The following SPTBN2 variants were observed in gnomAD, a reference collection of about 807,000 sequenced individuals.
SPTBN2 encodes the protein spectrin beta, non-erythrocytic 2.
A neutral mutation model predicts 284.2 loss-of-function variants in SPTBN2; 107 were observed. The ratio of observed to expected loss-of-function variants is 0.38; its 90% confidence interval spans 0.32 to 0.44. The LOEUF is 0.44. SPTBN2 is among the 20% of genes least tolerant of loss of function. The probability of loss-of-function intolerance (pLI) is 1.00; values close to 1 mark genes in which losing one functional copy is unlikely to be tolerated. For missense variants in SPTBN2, 2,569 were observed against 3,287.1 expected, an observed-to-expected ratio of 0.78 and a Z score of 5.34; for synonymous variants, 1,289 against 1,354.8, an observed-to-expected ratio of 0.95 and a Z score of 1.07.
rs1280292729 is a variant in SPTBN2, at chr11:66,700,813, T to C, written c.3286A>G (p.Thr1096Ala). Residue 1096 changes from threonine to alanine, a missense_variant, in exon 17 of 38, where the codon ACC (threonine) becomes GCC (alanine). By Grantham distance (58) the Thr-to-Ala change is moderately conservative. This residue lies in a region of SPTBN2 where 1,012 missense variants were observed against 1,248.9 expected (regional missense o/e 0.81). Coordinates refer to ENST00000533211, the MANE Select transcript of SPTBN2 (RefSeq NM_006946.4). This position sits in a 1 kb window ranked among gnomAD's most constrained non-coding sequence, Gnocchi z 6.6. The part of the protein sequence containing the change: ...TAVASEEGPA[T>A]LPEAEALLAQ... The stretch of plus-strand genomic sequence containing the variant: ...AGGAGGGCCTCTGCCTCAGGCAGGG[T>C]GGCCGGCCCTTCTTCAGAGGCCACA... The C allele has an allele frequency of 3.7e-6, 6 of 1,600,422 alleles. No homozygotes were observed. In the Admixed American group the frequency reaches 1.0e-4, roughly 27 times the overall value.
intron 1 of SPTBN2, among the ~76,000 whole-genome samples, chr11:66,738,097 C>G (rs922288290): frequency 6.6e-6 from 1 of 152,096 alleles, no homozygotes; most frequent in African/African-American, 2.4e-5. Flanking sequence ...TGCCTATAAT[C>G]CCAGCTACTC....
At chr11:66,733,091 G>A (rs1388335926), upstream of SPTBN2, among the ~76,000 whole-genome samples, 1 of 152,046 alleles carries the variant, frequency 6.6e-6, no homozygotes, top group Non-Finnish European at 1.5e-5. Flanking sequence ...AGATAGGCAA[G>A]GGCTAGATCA....
At position 66,708,496 on chromosome 11, in the gene SPTBN2, C is replaced by T. The variant is rs1205038706; in HGVS notation, c.1192-197G>A. Among the ~76,000 whole-genome samples, 1 of 152,204 alleles carries T rather than the reference C, an allele frequency of 6.6e-6. No individual in the cohort carries two copies. Among genetic ancestry groups the T allele is most frequent in the African/African-American group, 2.4e-5 (1 of 41,456 alleles). On this transcript the variant is annotated intron_variant, in intron 11 of 37. Coordinates refer to ENST00000533211, the MANE Select transcript of SPTBN2 (RefSeq NM_006946.4). The surrounding 1 kb of genome is among the most constrained non-coding windows in gnomAD (Gnocchi z 4.4). Reference sequence around the variant, plus strand: ...CCATGTAGAAGCTTCTGGAAAAGGACTGGAGGGAGCACGAACAGTGGAAAC... The same window carrying T: ...CCATGTAGAAGCTTCTGGAAAAGGATTGGAGGGAGCACGAACAGTGGAAAC...
intron 20 of SPTBN2, among the ~76,000 whole-genome samples, chr11:66,697,546 G>A (rs563811386): frequency 6.6e-6 from 1 of 152,288 alleles, no homozygotes; most frequent in East Asian, 1.9e-4. Context: ...AACAGGCACT[G>A]CCTACCACTG....
Position 66,689,815 on chromosome 11 carries a change from G to T in SPTBN2, c.5939C>A (p.Ala1980Glu), listed in dbSNP as rs750934185. The change falls in exon 29 of 38, where the codon GCG becomes GAG. Residue 1980 changes from alanine to glutamate, a missense_variant. Ala to Glu is a moderately radical substitution (Grantham distance 107). Coordinates refer to ENST00000533211, the MANE Select transcript of SPTBN2 (RefSeq NM_006946.4). ...CCAGGCCTCACCCACCTCCTCGGCC[G>T]CATAGTGGCTCCTGGCCAGCAGCTC... ...GKELLARSHY[A>E]AEEISEKLSQ... 1.5e-5 allele frequency: 24 copies of T among 1,613,470 alleles called. No individual in the cohort carries two copies. Among genetic ancestry groups the T allele is most frequent in the Middle Eastern group, 3.4e-4 (2 of 5,896 alleles).
intron 1 of SPTBN2, among the ~76,000 whole-genome samples, chr11:66,737,741 C>T (rs1942863987): frequency 6.6e-6 from 1 of 152,116 alleles, no homozygotes; most frequent in African/African-American, 2.4e-5. Flanking sequence ...TTTCCCAACC[C>T]TAAACACACT....
In SPTBN2 at chr11:66,688,154, C is replaced by T. The variant is rs777633339; in HGVS notation, c.6374+15G>A. 7 of 1,613,396 alleles carry T rather than the reference C, an allele frequency of 4.3e-6. No homozygotes were observed. Reference sequence around the variant, plus strand: ...GCTCAGCCGCCTCCTCCTACCCAGGCATCCTGGCTCTCACCCGTCCCAGGT... The same window carrying T: ...GCTCAGCCGCCTCCTCCTACCCAGGTATCCTGGCTCTCACCCGTCCCAGGT... On this transcript the variant is annotated intron_variant, in intron 32 of 37. Coordinates refer to ENST00000533211, the MANE Select transcript of SPTBN2 (RefSeq NM_006946.4).
intron 29 of SPTBN2, chr11:66,689,401 G>A (rs1253146492): frequency 1.8e-6 from 1 of 567,524 alleles, no homozygotes; most frequent in East Asian, 3.2e-5. Context: ...CAGCCTCCGA[G>A]TAGCTGGGAT....
chr11:66,727,222 C>T (rs1942649709), intron 1 of SPTBN2, among the ~76,000 whole-genome samples: 1 of 152,304 alleles, frequency 6.6e-6, no homozygotes, highest in South Asian at 2.1e-4. Flanking sequence ...CCCCACACCT[C>T]AAGCTAAGAC....
Position 66,708,191 on chromosome 11 carries a change from C to T in SPTBN2, c.1300G>A (p.Ala434Thr), listed in dbSNP as rs1941670087. Residue 434 changes from alanine (A) to threonine (T), a missense_variant, in exon 12 of 38, where the codon GCT (alanine) becomes ACT (threonine). By Grantham distance (58) the Ala-to-Thr change is moderately conservative. This residue lies in a region of SPTBN2 where 1,012 missense variants were observed against 1,248.9 expected (regional missense o/e 0.81). Transcript: ENST00000533211. This position sits in a 1 kb window ranked among gnomAD's most constrained non-coding sequence, Gnocchi z 4.4. The part of the protein sequence containing the change: ...EQLAARFDRK[A>T]AMRETWLSEN... ...CTGAGCCAGGTCTCCCGCATGGCAG[C>T]CTTGCGGTCGAAGCGGGCGGCCAGC... 1 of 1,612,502 alleles carries T rather than the reference C, an allele frequency of 6.2e-7. No homozygotes were observed. Among genetic ancestry groups the T allele is most frequent in the Non-Finnish European group, 8.5e-7 (1 of 1,179,606 alleles).
chr11:66,700,694 CT>C lies in SPTBN2; in HGVS notation c.3404del (p.Gln1135ArgfsTer84). On this transcript the variant is annotated frameshift_variant, in exon 17 of 38. Coordinates refer to ENST00000533211, the MANE Select transcript of SPTBN2 (RefSeq NM_006946.4). LOFTEE classifies it high-confidence loss of function. The surrounding 1 kb of genome is among the most constrained non-coding windows in gnomAD (Gnocchi z 6.6). ...RALGEEVTRDQADPQCLFLRQ... is the reference protein window; with the variant it reads ...RALGEEVTRDXADPQCLFLRQ... ...GTAGGAAGAGGCACTGGGGGTCAGC[CT>C]GGTCCCGGGTCACCTCCTCGCCCAG... The C allele has an allele frequency of 6.2e-7, 1 of 1,605,878 alleles. No homozygotes were observed. Among genetic ancestry groups the C allele is most frequent in the Non-Finnish European group, 8.5e-7 (1 of 1,179,894 alleles).
intron 15 of SPTBN2, among the ~76,000 whole-genome samples, chr11:66,703,391 T>A (rs1565133188): frequency 6.6e-6 from 1 of 152,040 alleles, no homozygotes; most frequent in Non-Finnish European, 1.5e-5. Flanking sequence ...CTAATTATAT[T>A]TTTTTAAACA....
rs540100560 is a variant in SPTBN2 at position 66,718,415 on chromosome 11, G to T, written c.158-2434C>A. On this transcript the variant is annotated intron_variant, in intron 3 of 37. Coordinates refer to ENST00000533211, the MANE Select transcript of SPTBN2 (RefSeq NM_006946.4). This position sits in a 1 kb window ranked among gnomAD's most constrained non-coding sequence, Gnocchi z 4.8. ...AGGTCCCTCTCGCCCAGGCACAGTC[G>T]TCCCCACAGGGGGCCCCCGGGCCTC... is the stretch of plus-strand genomic sequence containing the variant. Among the ~76,000 whole-genome samples the T allele has an allele frequency of 6.6e-6, 1 of 152,314 alleles. No individual in the cohort carries two copies. The highest frequency in any genetic ancestry group is 2.4e-5 in the African/African-American group (1 of 41,582).
chr11:66,693,965 G>C lies in SPTBN2; in HGVS notation c.4504-104C>G. On this transcript the variant is annotated intron_variant, in intron 22 of 37. Coordinates refer to ENST00000533211, the MANE Select transcript of SPTBN2 (RefSeq NM_006946.4). This position sits in a 1 kb window ranked among gnomAD's most constrained non-coding sequence, Gnocchi z 5.7. ...CCTGGGGCTACCGCCCTGTGTGTGG[G>C]GAACAGTCATCTCTGGTTCTGGGAG... is the stretch of plus-strand genomic sequence containing the variant. 3 of 1,322,112 alleles carry C rather than the reference G, an allele frequency of 2.3e-6. No individual in the cohort carries two copies. Among genetic ancestry groups the C allele is most frequent in the Non-Finnish European group, 3.2e-6 (3 of 944,590 alleles). The allele number at this position is 1,322,112 out of a possible 1,614,324, so 81.9% of individuals were successfully genotyped here.
chr11:66,689,400 A>C (rs1940382783), intron 29 of SPTBN2: 3 of 567,216 alleles, frequency 5.3e-6, no homozygotes, highest in South Asian at 4.0e-5. Context: ...TCAGCCTCCG[A>C]GTAGCTGGGA....
At chr11:66,711,059 TC>T in intron 8 of SPTBN2, 30 bp from the exon 9 acceptor site, 1 of 1,584,476 alleles carries the variant, frequency 6.3e-7, no homozygotes, top group South Asian at 1.1e-5. Context: ...GGGTCAGGCC[TC>T]CCAGAAGTTC....
chr11:66,695,997 A>G (rs1230906290), intron 21 of SPTBN2, among the ~76,000 whole-genome samples: 1 of 152,204 alleles, frequency 6.6e-6, no homozygotes, highest in Non-Finnish European at 1.5e-5. Flanking sequence ...TTGGCCTCCC[A>G]AAGTGCTGAG....
chr11:66,729,489 A>G (rs1281064886), upstream of SPTBN2, among the ~76,000 whole-genome samples: 5 of 152,166 alleles, frequency 3.3e-5, no homozygotes, highest in Non-Finnish European at 7.4e-5. Flanking sequence ...TGAGTGAATT[A>G]TTGGATTTAA....
Position 66,715,705 on chromosome 11 carries a change from T to G in SPTBN2, c.309+125A>C. 7.4e-7 allele frequency: 1 copy of G among 1,355,882 alleles called. No homozygotes were observed. Among genetic ancestry groups the G allele is most frequent in the Non-Finnish European group, 1.0e-6 (1 of 978,084 alleles). The allele number at this position is 1,355,882 out of a possible 1,614,324, so 84.0% of individuals were successfully genotyped here. ...AAAGGCACTTGAAATGAACCCATCCTCTGAGCAGAGGGAGCCACTGCTTCC... is the reference window on the plus strand; with the variant it reads ...AAAGGCACTTGAAATGAACCCATCCGCTGAGCAGAGGGAGCCACTGCTTCC... On this transcript the variant is annotated intron_variant, in intron 4 of 37. Transcript: ENST00000533211. The surrounding 1 kb of genome is among the most constrained non-coding windows in gnomAD (Gnocchi z 5.3).
Sources: allele counts gnomAD v4.1 joint callset (sites outside exome capture counted in the v4.1 genomes callset), GRCh38; gene constraint gnomAD v4.1.1; regional missense constraint gnomAD v4.1.1; non-coding constraint Gnocchi (gnomAD v3.1); transcripts MANE v1.5; gene names NCBI Gene and HGNC (gene_info 2026-07-23, HGNC 2026-07-21).